The following FOXP1 variants were observed in gnomAD, a reference collection of about 807,000 sequenced individuals.
FOXP1 encodes forkhead box protein P1.
FOXP1 carries 15 observed loss-of-function variants against 98.2 expected under a neutral mutation model. The observed-to-expected ratio is 0.15, with a 90% CI of 0.10 to 0.24. The LOEUF is 0.24. Ranked by LOEUF, FOXP1 falls within the 10% of genes least tolerant of loss-of-function variation. FOXP1 has a pLI of 1.00. For missense variants in FOXP1, 633 were observed against 848.5 expected (o/e 0.75, Z 3.15); for synonymous variants, 371 against 314.5 (o/e 1.18, Z -1.90).
intron 2 of FOXP1, among the ~76,000 whole-genome samples, chr3:71,519,117 A>T (rs1202458080): frequency 1.3e-5 from 2 of 152,182 alleles, no homozygotes; most frequent in African/African-American, 4.8e-5. Context: ...GTGGTGGCAC[A>T]TGCCTCTATT....
At chr3:71,446,096 C>T (rs889409331) in intron 3 of FOXP1, among the ~76,000 whole-genome samples, 3 of 151,990 alleles carry the variant, frequency 2.0e-5, no homozygotes, top group African/African-American at 7.3e-5. Flanking sequence ...TGAATTCAGG[C>T]ATTCAATGTG....
At chr3:71,053,535 G>A in intron 8 of FOXP1, 101 bp downstream of exon 8, 2 of 1,463,946 alleles carry the variant, frequency 1.4e-6, no homozygotes, top group Non-Finnish European at 9.5e-7. Flanking sequence ...ACTCTTCACT[G>A]AGCAAAGGAG....
At chr3:71,179,261 T>C (rs1227846810) in intron 6 of FOXP1, among the ~76,000 whole-genome samples, 1 of 151,402 alleles carries the variant, frequency 6.6e-6, no homozygotes, top group South Asian at 2.1e-4. Flanking sequence ...CCCGAGTAGC[T>C]GGGATTACAG....
At chr3:71,052,719 G>GC in intron 8 of FOXP1, 93 bp from the exon 9 acceptor site, 1 of 791,776 alleles carries the variant, frequency 1.3e-6, no homozygotes, top group Non-Finnish European at 2.3e-6. Context: ...TTGAAAAATA[G>GC]CATCCTTTTA....
chr3:71,438,228 G>A (rs971557787), intron 3 of FOXP1, among the ~76,000 whole-genome samples: 2 of 152,162 alleles, frequency 1.3e-5, no homozygotes, highest in African/African-American at 4.8e-5. Context: ...TGAATTCTTG[G>A]CTCTTAAAAT....
chr3:71,430,337 C>G (rs1482517688), intron 3 of FOXP1, among the ~76,000 whole-genome samples: 1 of 152,074 alleles, frequency 6.6e-6, no homozygotes, highest in Non-Finnish European at 1.5e-5. Context: ...GTATTGCAAG[C>G]CGAATGAATA....
At chr3:71,374,110 T>C (rs2079538437) in intron 3 of FOXP1, among the ~76,000 whole-genome samples, 1 of 152,176 alleles carries the variant, frequency 6.6e-6, no homozygotes, top group African/African-American at 2.4e-5. Flanking sequence ...GTACGTTTTT[T>C]GAAATTAAAA....
At chr3:71,572,684 G>C (rs773038288) in intron 2 of FOXP1, 1 of 152,176 alleles carries the variant, frequency 6.6e-6, no homozygotes, top group Admixed American at 6.5e-5. Context: ...CAGTGGTAAA[G>C]TAACCTCTAG....
chr3:70,997,469 C>T (rs1468155840), intron 13 of FOXP1, among the ~76,000 whole-genome samples: 2 of 152,284 alleles, frequency 1.3e-5, no homozygotes, highest in East Asian at 1.9e-4. Context: ...AACTCAAAGA[C>T]TCTCAATCGA....
At chr3:71,090,980 T>G (rs2055751180) in intron 7 of FOXP1, among the ~76,000 whole-genome samples, 1 of 152,116 alleles carries the variant, frequency 6.6e-6, no homozygotes, top group Non-Finnish European at 1.5e-5. Flanking sequence ...TTTTTGTGTG[T>G]CCAGACCACT....
intron 7 of FOXP1, among the ~76,000 whole-genome samples, chr3:71,083,643 T>C (rs2054700888): frequency 6.6e-6 from 1 of 152,160 alleles, no homozygotes; most frequent in African/African-American, 2.4e-5. Flanking sequence ...TCAGAAGCCC[T>C]CTGGCCTCAG....
At chr3:71,385,156 G>A (rs2108079213) in intron 3 of FOXP1, among the ~76,000 whole-genome samples, 1 of 151,936 alleles carries the variant, frequency 6.6e-6, no homozygotes, top group East Asian at 1.9e-4. Flanking sequence ...CAAAAGCAAT[G>A]CTTCTCATAT....
At chr3:71,201,942 G>A (rs1324755714) in intron 5 of FOXP1, among the ~76,000 whole-genome samples, 1 of 152,172 alleles carries the variant, frequency 6.6e-6, no homozygotes. Flanking sequence ...CAAATATCCT[G>A]TCCTGATGGA....
At position 71,159,081 on chromosome 3, in the gene FOXP1, G is replaced by C. The variant is rs2061001118; in HGVS notation, c.180+39121C>G. On this transcript the variant is annotated intron_variant, in intron 6 of 20. Coordinates refer to ENST00000649528, the MANE Select transcript of FOXP1 (RefSeq NM_001349338.3). ...GATTGCAACACTGCACTTCAGCTTA[G>C]GTGACAGGGCGGAACCCTATCTCAA... 2.2e-5 allele frequency among the ~76,000 whole-genome samples: 3 copies of C among 135,236 alleles called. 1 individual carries two copies. The South Asian group carries it at 7.0e-4, about 32-fold the overall frequency. 88.7% of individuals were successfully genotyped at this position (135,236 alleles called of 152,430 possible).
intron 11 of FOXP1, among the ~76,000 whole-genome samples, chr3:71,033,372 C>G (rs1175375374): frequency 1.3e-5 from 2 of 152,036 alleles, no homozygotes; most frequent in African/African-American, 2.4e-5. Context: ...TAAAAAAATT[C>G]AAATCAACCA....
At chr3:71,448,928 G>A (rs576213518) in intron 3 of FOXP1, among the ~76,000 whole-genome samples, 32 of 152,278 alleles carry the variant, frequency 2.1e-4, no homozygotes, top group Non-Finnish European at 3.2e-4. Flanking sequence ...TTAGTAAGGC[G>A]TGGGCATGCA....
intron 6 of FOXP1, among the ~76,000 whole-genome samples, chr3:71,124,901 A>C (rs970917822): frequency 6.6e-6 from 1 of 152,222 alleles, no homozygotes; most frequent in Non-Finnish European, 1.5e-5. Context: ...AGAAACACTA[A>C]GAAAAGTTGC....
intron 6 of FOXP1, among the ~76,000 whole-genome samples, chr3:71,166,449 C>T (rs577714199): frequency 1.3e-5 from 2 of 152,282 alleles, no homozygotes; most frequent in Non-Finnish European, 2.9e-5. Flanking sequence ...GCAACCCATG[C>T]TAATTTTGAA....
intron 3 of FOXP1, among the ~76,000 whole-genome samples, chr3:71,477,669 T>C (rs2089964596): frequency 6.6e-6 from 1 of 152,212 alleles, no homozygotes; most frequent in South Asian, 2.1e-4. Flanking sequence ...AGATTGAATA[T>C]TAGTGCTACA....
Sources: gnomAD v4.1 joint callset for allele counts (sites outside exome capture counted in the v4.1 genomes callset) on GRCh38, gnomAD v4.1.1 for gene constraint, MANE v1.5 for transcripts, NCBI Gene and HGNC (gene_info 2026-07-23, HGNC 2026-07-21) for gene names.